The following IRF8 variants were observed in gnomAD, a reference collection of about 807,000 sequenced individuals.
IRF8 encodes the protein interferon regulatory factor 8, also known as interferon consensus sequence binding protein 1.
Under a neutral mutation model 48.7 loss-of-function variants are expected in IRF8, and 14 were observed. That is an observed-to-expected ratio of 0.29 (90% CI 0.19 to 0.45). The LOEUF (loss-of-function observed/expected upper bound fraction) is 0.45, where lower values mean the gene tolerates loss of function less well. Among genes scored for constraint, IRF8 ranks in the 20% least tolerant of loss-of-function variants. The pLI is 1.00. For missense variants in IRF8, 493 were observed against 580.7 expected, an observed-to-expected ratio of 0.85 and a Z score of 1.55; for synonymous variants, 278 against 227.3, an observed-to-expected ratio of 1.22 and a Z score of -2.01.
chr16:85,920,143 TC>T lies in IRF8; in HGVS notation c.1025del (p.Pro342LeufsTer49). On this transcript the variant is annotated frameshift_variant, in exon 8 of 9. Coordinates refer to ENST00000268638, the MANE Select transcript of IRF8 (RefSeq NM_002163.4). LOFTEE classifies it high-confidence loss of function. ...QQFYNSQGRL[P>X]DGRVVLCFGE... ...AGTTCTATAACAGCCAGGGCCGGCT[TC>T]CTGACGGCAGGGTGGTGCTGTGCTT... is the stretch of plus-strand genomic sequence containing the variant. 6.2e-7 allele frequency: 1 copy of T among 1,613,992 alleles called. No individual in the cohort carries two copies. Among genetic ancestry groups the T allele is most frequent in the Non-Finnish European group, 8.5e-7 (1 of 1,179,956 alleles).
At chr16:85,906,892 C>A (rs1299901910) in intron 2 of IRF8, among the ~76,000 whole-genome samples, 2 of 152,158 alleles carry the variant, frequency 1.3e-5, no homozygotes, top group Non-Finnish European at 2.9e-5. Flanking sequence ...ACCACCCCGC[C>A]ACAAAGAAGG....
At chr16:85,904,220 T>C (rs1394775697) in intron 2 of IRF8, among the ~76,000 whole-genome samples, 1 of 152,016 alleles carries the variant, frequency 6.6e-6, no homozygotes, top group African/African-American at 2.4e-5. Flanking sequence ...GCCATTGCCA[T>C]GTGTGCTTAT....
At chr16:85,919,356 G>C (rs958303880) in intron 7 of IRF8, among the ~76,000 whole-genome samples, 3 of 152,158 alleles carry the variant, frequency 2.0e-5, no homozygotes, top group Admixed American at 1.3e-4. Flanking sequence ...GGTTAGGATG[G>C]CGTCTCCCTT....
intron 2 of IRF8, among the ~76,000 whole-genome samples, chr16:85,907,793 T>C (rs1392080000): frequency 6.6e-6 from 1 of 152,242 alleles, no homozygotes; most frequent in Non-Finnish European, 1.5e-5. Context: ...AATCTGCATT[T>C]TCACAAGCTT....
intron 3 of IRF8, among the ~76,000 whole-genome samples, chr16:85,910,066 T>C (rs1312191687): frequency 6.6e-6 from 1 of 152,190 alleles, no homozygotes; most frequent in Non-Finnish European, 1.5e-5. Flanking sequence ...CTTCCCGCTG[T>C]GGGGGTGTTG....
chr16:85,921,705 A>G lies in IRF8; in HGVS notation c.*423A>G. 8.0e-6 allele frequency: 2 copies of G among 249,332 alleles called. No individual in the cohort carries two copies. Among genetic ancestry groups the G allele is most frequent in the Non-Finnish European group, 1.6e-5 (2 of 126,448 alleles). The allele number at this position is 249,332 out of a possible 1,614,324, so 15.4% of individuals were successfully genotyped here. A position where few individuals can be genotyped will look rare whatever the true frequency, so the allele number is the denominator to read the frequency against. ...GTTGTTTTTGTCTTTATCGTTTGTT[A>G]GAGTTATAGATTTATGATTTCATAG... is the stretch of plus-strand genomic sequence containing the variant. On this transcript the variant is annotated 3_prime_UTR_variant, in exon 9 of 9. Coordinates refer to ENST00000268638, the MANE Select transcript of IRF8 (RefSeq NM_002163.4).
rs1905565413 is a variant in IRF8, at chr16:85,921,433, T to C, written c.*151T>C. On this transcript the variant is annotated 3_prime_UTR_variant, in exon 9 of 9. Coordinates refer to ENST00000268638, the MANE Select transcript of IRF8 (RefSeq NM_002163.4). ...TTTAATAAGGGCATTCTCGGAGGAG[T>C]AGACGTTTAATACGAAGTGGCGGCA... 1 of 836,914 alleles carries C rather than the reference T, an allele frequency of 1.2e-6. No homozygotes were observed. Among genetic ancestry groups the C allele is most frequent in the Non-Finnish European group, 2.0e-6 (1 of 509,014 alleles). 51.8% of individuals were successfully genotyped at this position (836,914 alleles called of 1,614,324 possible).
chr16:85,908,941 G>C (rs1346183787), intron 2 of IRF8, 49 bp from the exon 3 acceptor site: 1 of 1,495,746 alleles, frequency 6.7e-7, no homozygotes, highest in Non-Finnish European at 9.3e-7. Flanking sequence ...ACGGATATTT[G>C]TGATTGGAGT....
At chr16:85,920,053 G>A (rs1905487176) in intron 7 of IRF8, 56 bp from the exon 8 acceptor site, 2 of 1,252,710 alleles carry the variant, frequency 1.6e-6, no homozygotes, top group Non-Finnish European at 1.2e-6. Flanking sequence ...GCTGCTGCGG[G>A]AGTTGGAGGT....
At chr16:85,913,294 C>T in intron 5 of IRF8, 58 bp downstream of exon 5, 2 of 1,242,442 alleles carry the variant, frequency 1.6e-6, no homozygotes, top group Non-Finnish European at 2.4e-6. Flanking sequence ...TTACGGCATT[C>T]CACCAGCCAG....
chr16:85,914,332 C>T, intron 5 of IRF8, 141 bp from the exon 6 acceptor site: 1 of 885,798 alleles, frequency 1.1e-6, no homozygotes, highest in Non-Finnish European at 1.9e-6. Context: ...GCACTGAATT[C>T]AGCGGAAGCC....
At chr16:85,916,879 G>T (rs1905326887) in intron 6 of IRF8, among the ~76,000 whole-genome samples, 1 of 152,138 alleles carries the variant, frequency 6.6e-6, no homozygotes, top group South Asian at 2.1e-4. Flanking sequence ...GGAAGAGCGA[G>T]ACCAGTGCTG....
chr16:85,911,142 AC>A (rs897899796), intron 3 of IRF8, among the ~76,000 whole-genome samples: 2 of 152,216 alleles, frequency 1.3e-5, no homozygotes, highest in African/African-American at 4.8e-5. Flanking sequence ...TTTCCTGCCA[AC>A]TGGCAATACA....
Position 85,912,174 on chromosome 16 carries a change from C to A in IRF8, c.447+516C>A, listed in dbSNP as rs534545165. ...TGGATAACCAAGCATGTTCACATTG[C>A]ACATAAATTCCTAACAGGCTACAAG... is the stretch of plus-strand genomic sequence containing the variant. On this transcript the variant is annotated intron_variant, in intron 4 of 8. Transcript: ENST00000268638. 3.9e-5 allele frequency among the ~76,000 whole-genome samples: 6 copies of A among 152,328 alleles called. No homozygotes were observed. In the South Asian group the frequency reaches 1.2e-3, roughly 32 times the overall value.
At chr16:85,901,514 G>A (rs11117413) in intron 1 of IRF8, among the ~76,000 whole-genome samples, 3,244 of 152,180 alleles carry the variant, frequency 0.021, 106 homozygotes, top group African/African-American at 0.074. Context: ...GGTACTCAAG[G>A]GGCTGAGGCA....
intron 2 of IRF8, among the ~76,000 whole-genome samples, chr16:85,905,671 T>G (rs976484490): frequency 6.6e-6 from 1 of 152,220 alleles, no homozygotes; most frequent in Non-Finnish European, 1.5e-5. Flanking sequence ...GAGGCCTGTC[T>G]CTGTGACGTT....
intron 1 of IRF8, chr16:85,901,213 T>A (rs961709022): frequency 6.6e-6 from 1 of 152,276 alleles, no homozygotes; most frequent in Non-Finnish European, 1.5e-5. Flanking sequence ...TTTAGAATTC[T>A]GGGTCTCTTG....
chr16:85,899,944 C>G (rs1236148300), intron 1 of IRF8, among the ~76,000 whole-genome samples: 1 of 152,168 alleles, frequency 6.6e-6, no homozygotes, highest in African/African-American at 2.4e-5. Flanking sequence ...CTGAATTTTC[C>G]AGAATTTTAA....
rs541192819 is a variant in IRF8, at chr16:85,900,871, G to T, written c.-2+1648G>T. 8 of 152,276 alleles carry T rather than the reference G, an allele frequency of 5.3e-5. No homozygotes were observed. The South Asian group carries it at 1.4e-3, about 28-fold the overall frequency. 9.4% of individuals were successfully genotyped at this position (152,276 alleles called of 1,614,324 possible). Reference sequence around the variant, plus strand: ...CCATTAGGAATCCTGATAAGAAAGTGTTGACCCTCTTTCTAGAAAAATGCG... The same window carrying T: ...CCATTAGGAATCCTGATAAGAAAGTTTTGACCCTCTTTCTAGAAAAATGCG... On this transcript the variant is annotated intron_variant, in intron 1 of 8. Transcript: ENST00000268638.
Sources: gnomAD v4.1 joint callset for allele counts (sites outside exome capture counted in the v4.1 genomes callset) on GRCh38, gnomAD v4.1.1 for gene constraint, MANE v1.5 for transcripts, NCBI Gene and HGNC (gene_info 2026-07-23, HGNC 2026-07-21) for gene names.